The following OTUD6B variants were observed in gnomAD, a reference collection of about 807,000 sequenced individuals.
OTUD6B encodes the protein OTU deubiquitinase 6B, also known as deubiquitinase OTUD6B.
Under a neutral mutation model 36.9 loss-of-function variants are expected in OTUD6B, and 41 were observed. The observed-to-expected ratio is 1.11, with a 90% confidence interval of 0.87 to 1.44. The LOEUF is 1.44. Ranked by LOEUF, OTUD6B falls within the 40% of genes most tolerant of loss-of-function variation. OTUD6B has a pLI of 0.00. For synonymous variants in OTUD6B, 114 were observed against 114.2 expected (o/e 1.00, Z 0.01); for missense variants, 356 against 344.8 (o/e 1.03, Z -0.26).
rs1038886197 is a variant in OTUD6B at position 91,073,914 on chromosome 8, A to G, written c.315+3A>G. On this transcript the variant is annotated splice_donor_region_variant and intron_variant, in intron 3 of 6. Coordinates refer to ENST00000404789, the MANE Select transcript of OTUD6B (RefSeq NM_016023.5). ...TATCAAAAGCACAAAAGAGACGGGT[A>G]TGAAAGTCATGTCACCAAGTATATA... is the stretch of plus-strand genomic sequence containing the variant. The G allele has an allele frequency of 1.9e-6, 3 of 1,577,172 alleles. No individual in the cohort carries two copies. Among genetic ancestry groups the G allele is most frequent in the Non-Finnish European group, 1.7e-6 (2 of 1,157,794 alleles).
chr8:91,084,887 AT>A lies in OTUD6B; in HGVS notation c.*21del. ...CAGCTAATTTATACAATGTTGTACA[AT>A]TATGTTTTAATACAGTGTGCTGAAC... On this transcript the variant is annotated 3_prime_UTR_variant, in exon 7 of 7. Transcript: ENST00000404789. The A allele has an allele frequency of 7.7e-7, 1 of 1,298,476 alleles. No individual in the cohort carries two copies. The highest frequency in any genetic ancestry group is 1.1e-6 in the Non-Finnish European group (1 of 921,558). The allele number at this position is 1,298,476 out of a possible 1,614,324, so 80.4% of individuals were successfully genotyped here.
chr8:91,076,464 T>G, intron 3 of OTUD6B: 1 of 1,452,050 alleles, frequency 6.9e-7, no homozygotes, highest in Non-Finnish European at 9.1e-7. Context: ...AAAAATGAAA[T>G]GATTAGAATT....
At chr8:91,074,597 T>G (rs1174019862) in intron 3 of OTUD6B, among the ~76,000 whole-genome samples, 1 of 152,040 alleles carries the variant, frequency 6.6e-6, no homozygotes, top group African/African-American at 2.4e-5. Flanking sequence ...GGAAACTGAT[T>G]TATTGGAAGT....
chr8:91,075,073 T>C (rs1812776802), intron 3 of OTUD6B, among the ~76,000 whole-genome samples: 3 of 152,198 alleles, frequency 2.0e-5, no homozygotes, highest in South Asian at 4.1e-4. Context: ...AAAAGCAATG[T>C]CTTTTTCTGT....
At chr8:91,071,924 C>A (rs1231187601) in intron 2 of OTUD6B, among the ~76,000 whole-genome samples, 1 of 152,186 alleles carries the variant, frequency 6.6e-6, no homozygotes, top group East Asian at 1.9e-4. Flanking sequence ...CTTAATCTTT[C>A]TGAGCTCAAA....
Position 91,086,421 on chromosome 8 carries a change from T to C in OTUD6B, c.*1553T>C, listed in dbSNP as rs2130451103. On this transcript the variant is annotated 3_prime_UTR_variant, in exon 7 of 7. Transcript: ENST00000404789. Reference sequence around the variant, plus strand: ...AAATTATATTCTGAAGATGCCTGTTTTGTAACCCTTGATGTGAATTTTTTG... The same window carrying C: ...AAATTATATTCTGAAGATGCCTGTTCTGTAACCCTTGATGTGAATTTTTTG... 1 of 152,182 alleles carries C rather than the reference T, an allele frequency of 6.6e-6. No individual in the cohort carries two copies. Among genetic ancestry groups the C allele is most frequent in the East Asian group, 1.9e-4 (1 of 5,180 alleles). The allele number at this position is 152,182 out of a possible 1,614,324, so 9.4% of individuals were successfully genotyped here.
Position 91,070,475 on chromosome 8 carries a change from G to A in OTUD6B, c.82+9G>A. On this transcript the variant is annotated intron_variant, in intron 1 of 6. Coordinates refer to ENST00000404789, the MANE Select transcript of OTUD6B (RefSeq NM_016023.5). ...GAAGAAGGAGTTGCAAGGTGAGGCG[G>A]AAGGAAGTGGGAATCTGGAAGCCGC... 1 of 1,558,408 alleles carries A rather than the reference G, an allele frequency of 6.4e-7. No individual in the cohort carries two copies. The highest frequency in any genetic ancestry group is 8.7e-7 in the Non-Finnish European group (1 of 1,150,928).
At chr8:91,078,747 C>T (rs994015300) in intron 4 of OTUD6B, 79 bp downstream of exon 4, 54 of 910,810 alleles carry the variant, frequency 5.9e-5, no homozygotes, top group East Asian at 5.5e-4. Context: ...CAGCACTGAG[C>T]GTAAGAAGAA....
At chr8:91,071,825 A>C (rs1265523614) in intron 2 of OTUD6B, among the ~76,000 whole-genome samples, 1 of 152,220 alleles carries the variant, frequency 6.6e-6, no homozygotes, top group African/African-American at 2.4e-5. Flanking sequence ...ACTTGCCCAA[A>C]AGATGAAGCT....
At chr8:91,078,907 A>G (rs1412398115) in intron 4 of OTUD6B, 2 of 328,896 alleles carry the variant, frequency 6.1e-6, no homozygotes, top group African/African-American at 2.2e-5. Flanking sequence ...ATTTTATGTA[A>G]GATAGAAGTA....
chr8:91,073,404 G>A (rs1435156479), intron 2 of OTUD6B, among the ~76,000 whole-genome samples: 1 of 152,162 alleles, frequency 6.6e-6, no homozygotes, highest in Non-Finnish European at 1.5e-5. Context: ...TCAAGGATTA[G>A]TACTCATCAG....
rs369177356 is a variant in OTUD6B at position 91,070,426 on chromosome 8, G to C, written c.42G>C (p.Gln14His). ...VLTEELDEEE[Q>H]LLRRHRKEKK... is the part of the protein sequence containing the mutation. ...CCGAAGAGCTTGATGAGGAAGAGCAGCTGCTGAGAAGGCATCGCAAAGAGA... is the reference window on the plus strand; with the variant it reads ...CCGAAGAGCTTGATGAGGAAGAGCACCTGCTGAGAAGGCATCGCAAAGAGA... Residue 14 changes from glutamine (Q) to histidine (H), a missense_variant, in exon 1 of 7, where the codon CAG becomes CAC. Coordinates refer to ENST00000404789, the MANE Select transcript of OTUD6B (RefSeq NM_016023.5). 4.4e-6 allele frequency: 7 copies of C among 1,594,174 alleles called. No individual in the cohort carries two copies. The African/African-American group carries it at 8.0e-5, about 18-fold the overall frequency.
At chr8:91,074,903 G>C (rs1812774621) in intron 3 of OTUD6B, among the ~76,000 whole-genome samples, 1 of 151,886 alleles carries the variant, frequency 6.6e-6, no homozygotes, top group South Asian at 2.1e-4. Flanking sequence ...TAAAACGGGG[G>C]CAAATTATAG....
At chr8:91,081,972 TAAG>T (rs1220955855) in intron 5 of OTUD6B, among the ~76,000 whole-genome samples, 1 of 152,122 alleles carries the variant, frequency 6.6e-6, no homozygotes, top group Non-Finnish European at 1.5e-5. Flanking sequence ...ATCAAGAAAT[TAAG>T]AAAAACCTTT....
At chr8:91,081,614 G>A (rs1377666628) in intron 5 of OTUD6B, among the ~76,000 whole-genome samples, 1 of 152,052 alleles carries the variant, frequency 6.6e-6, no homozygotes, top group Non-Finnish European at 1.5e-5. Context: ...AAGTAAGGCA[G>A]AGAGTACCTG....
intron 3 of OTUD6B, among the ~76,000 whole-genome samples, chr8:91,074,302 A>G (rs1812761744): frequency 6.6e-6 from 1 of 152,118 alleles, no homozygotes; most frequent in Non-Finnish European, 1.5e-5. Flanking sequence ...ATGTGGGCCC[A>G]GGGGATTCTG....
At chr8:91,078,019 A>C (rs1242393358) in intron 3 of OTUD6B, among the ~76,000 whole-genome samples, 1 of 152,080 alleles carries the variant, frequency 6.6e-6, no homozygotes, top group Non-Finnish European at 1.5e-5. Flanking sequence ...AATGTGCTTT[A>C]AGGCCTAGGA....
chr8:91,083,134 A>C (rs1812940577), intron 5 of OTUD6B, among the ~76,000 whole-genome samples: 1 of 152,158 alleles, frequency 6.6e-6, no homozygotes, highest in African/African-American at 2.4e-5. Context: ...TATTTTAATC[A>C]AATAGAAATT....
rs1423641116 is a variant in OTUD6B at position 91,085,606 on chromosome 8, T to A, written c.*738T>A. The A allele has an allele frequency of 6.6e-6, 1 of 152,118 alleles. No individual in the cohort carries two copies. The allele number at this position is 152,118 out of a possible 1,614,324, so 9.4% of individuals were successfully genotyped here. ...ACCTAATAGGTTACTGTCTTTTTAA[T>A]GCATTTGTTATTCTTTCGTATTTTT... On this transcript the variant is annotated 3_prime_UTR_variant, in exon 7 of 7. Coordinates refer to ENST00000404789, the MANE Select transcript of OTUD6B (RefSeq NM_016023.5).
Sources: gnomAD v4.1 joint callset for allele counts (sites outside exome capture counted in the v4.1 genomes callset) on GRCh38, gnomAD v4.1.1 for gene constraint, MANE v1.5 for transcripts, NCBI Gene and HGNC (gene_info 2026-07-23, HGNC 2026-07-21) for gene names.